Variants in NCAM1 observed in about 807,000 individuals in gnomAD.
NCAM1 encodes antigen recognized by monoclonal antibody 5.1H11.
NCAM1 carries 14 observed loss-of-function variants against 109.8 expected under a neutral mutation model. That is an observed-to-expected ratio of 0.13 (90% CI 0.08 to 0.20). NCAM1 has a LOEUF of 0.20. Ranked by LOEUF, NCAM1 falls within the 10% of genes least tolerant of loss-of-function variation. NCAM1 has a pLI of 1.00. For missense variants in NCAM1, 774 were observed against 1,109.9 expected, an observed-to-expected ratio of 0.70 and a Z score of 4.30; for synonymous variants, 418 against 442.9, an observed-to-expected ratio of 0.94 and a Z score of 0.70.
At chr11:113,064,615 G>A (rs1036705120) in intron 1 of NCAM1, among the ~76,000 whole-genome samples, 4 of 151,712 alleles carry the variant, frequency 2.6e-5, no homozygotes, top group Non-Finnish European at 5.9e-5. Context: ...TTTGCAGTTC[G>A]TATCATTACT....
intron 1 of NCAM1, among the ~76,000 whole-genome samples, chr11:113,016,673 T>C (rs1555075306): frequency 6.6e-6 from 1 of 152,088 alleles, no homozygotes; most frequent in Admixed American, 6.5e-5. Flanking sequence ...CTGGTGGCCC[T>C]ACACACTACC....
At chr11:113,070,568 G>T (rs188080168) in intron 1 of NCAM1, among the ~76,000 whole-genome samples, 1 of 152,136 alleles carries the variant, frequency 6.6e-6, no homozygotes, top group Non-Finnish European at 1.5e-5. Context: ...GGACGGGATC[G>T]CAGAGGAAGA....
chr11:113,104,000 G>T (rs1940007986), intron 1 of NCAM1, among the ~76,000 whole-genome samples: 1 of 152,026 alleles, frequency 6.6e-6, no homozygotes, highest in African/African-American at 2.4e-5. Context: ...GCAGTGGGCA[G>T]ATTCAGCTGG....
chr11:113,110,893 TA>T (rs1265727911), intron 1 of NCAM1, among the ~76,000 whole-genome samples: 2 of 152,176 alleles, frequency 1.3e-5, no homozygotes, highest in South Asian at 2.1e-4. Flanking sequence ...ATGGTAGTAC[TA>T]AGAATAGCCA....
intron 1 of NCAM1, among the ~76,000 whole-genome samples, chr11:113,155,284 G>A (rs782316076): frequency 3.3e-5 from 5 of 152,072 alleles, no homozygotes; most frequent in African/African-American, 4.8e-5. Flanking sequence ...TTGGGAGGCC[G>A]AGGCGGGTGG....
intron 17 of NCAM1, chr11:113,269,564 G>C (rs1367828464): frequency 6.5e-6 from 1 of 153,690 alleles, no homozygotes; most frequent in East Asian, 1.9e-4. Flanking sequence ...AGTCACCCAG[G>C]CTTCACTTGT....
intron 1 of NCAM1, among the ~76,000 whole-genome samples, chr11:112,976,397 G>A (rs1182087433): frequency 2.0e-5 from 3 of 151,740 alleles, no homozygotes; most frequent in Admixed American, 2.0e-4. Flanking sequence ...TAAATTTTTA[G>A]TAATTGAAAA....
intron 17 of NCAM1, 27 bp from the exon 18 acceptor site, chr11:113,270,161 C>T: frequency 6.2e-7 from 1 of 1,611,956 alleles, no homozygotes; most frequent in South Asian, 1.1e-5. Flanking sequence ...AGTCTGTTAA[C>T]CACCAGCCAT....
At chr11:113,239,591 C>T (rs1183583137) in intron 14 of NCAM1, among the ~76,000 whole-genome samples, 5 of 147,682 alleles carry the variant, frequency 3.4e-5, no homozygotes, top group East Asian at 2.2e-4. Context: ...CTGCAAGCTC[C>T]GCCTCCCGGG....
rs572068845 is a variant in NCAM1 at position 113,115,278 on chromosome 11, G to A, written c.53-87101G>A. Reference sequence around the variant, plus strand: ...AGCTTGGAAATAGGTACTGTGTCAAGGAAGCTTTATTATGATAATATTACT... The same window carrying A: ...AGCTTGGAAATAGGTACTGTGTCAAAGAAGCTTTATTATGATAATATTACT... On this transcript the variant is annotated intron_variant, in intron 1 of 19. Coordinates refer to ENST00000316851, the MANE Select transcript of NCAM1 (RefSeq NM_181351.5). Among the ~76,000 whole-genome samples, 8 of 152,236 alleles carry A rather than the reference G, an allele frequency of 5.3e-5. No homozygotes were observed. The South Asian group carries it at 1.5e-3, about 28-fold the overall frequency.
chr11:113,211,471 C>A (rs1448386642), intron 7 of NCAM1, among the ~76,000 whole-genome samples: 3 of 152,226 alleles, frequency 2.0e-5, no homozygotes, highest in African/African-American at 7.2e-5. Context: ...TAGTTATTAG[C>A]TAGATGCTCC....
intron 1 of NCAM1, among the ~76,000 whole-genome samples, chr11:113,163,038 T>C (rs1161223714): frequency 6.6e-6 from 1 of 152,184 alleles, no homozygotes; most frequent in African/African-American, 2.4e-5. Flanking sequence ...TAAGTATTTT[T>C]CAAGCTCTCC....
chr11:113,163,749 G>A (rs868980155), intron 1 of NCAM1, among the ~76,000 whole-genome samples: 2 of 152,254 alleles, frequency 1.3e-5, no homozygotes, highest in Non-Finnish European at 2.9e-5. Flanking sequence ...GGCTAAGATC[G>A]AAAGAAGAAA....
chr11:113,142,286 A>G (rs1276023551), intron 1 of NCAM1, among the ~76,000 whole-genome samples: 1 of 152,206 alleles, frequency 6.6e-6, no homozygotes, highest in Non-Finnish European at 1.5e-5. Flanking sequence ...TCACATGAGC[A>G]GGCTTTTTGA....
At chr11:112,998,507 A>G (rs1014845925) in intron 1 of NCAM1, among the ~76,000 whole-genome samples, 2 of 152,180 alleles carry the variant, frequency 1.3e-5, no homozygotes, top group Non-Finnish European at 2.9e-5. Context: ...GGAAAAAAAA[A>G]TCCTAGGTGT....
chr11:113,216,438 C>T (rs77044918), intron 8 of NCAM1, among the ~76,000 whole-genome samples: 14,150 of 152,204 alleles, frequency 0.093, 728 homozygotes, highest in East Asian at 0.25. Flanking sequence ...AGGCGTGAGC[C>T]ACCGCGCCCG....
chr11:113,207,430 C>T lies in NCAM1; in HGVS notation c.746+52C>T, dbSNP rs141963340. The T allele has an allele frequency of 7.3e-5, 105 of 1,436,304 alleles. No individual in the cohort carries two copies. In the African/African-American group the frequency reaches 1.3e-3, roughly 18 times the overall value. The allele number at this position is 1,436,304 out of a possible 1,614,324, so 89.0% of individuals were successfully genotyped here. Reference sequence around the variant, plus strand: ...CATGGACTAGAGGAGAATGGGGCATCACAAAGTCTGCTCCATGTTAGTGTC... The same window carrying T: ...CATGGACTAGAGGAGAATGGGGCATTACAAAGTCTGCTCCATGTTAGTGTC... On this transcript the variant is annotated intron_variant, in intron 6 of 19. Coordinates refer to ENST00000316851, the MANE Select transcript of NCAM1 (RefSeq NM_181351.5).
chr11:113,056,011 AT>A (rs1565409282), intron 1 of NCAM1, among the ~76,000 whole-genome samples: 59 of 117,184 alleles, frequency 5.0e-4, no homozygotes, highest in East Asian at 1.5e-3. Context: ...ATATATATAT[AT>A]ATATATATAT....
chr11:113,264,972 AC>A, intron 17 of NCAM1: 3 of 985,290 alleles, frequency 3.0e-6, no homozygotes, highest in Non-Finnish European at 3.6e-6. Context: ...GAGTGAGTGC[AC>A]CCCACCTTGC....
Sources: gnomAD v4.1 joint callset for allele counts (sites outside exome capture counted in the v4.1 genomes callset) on GRCh38, gnomAD v4.1.1 for gene constraint, MANE v1.5 for transcripts, NCBI Gene and HGNC (gene_info 2026-07-23, HGNC 2026-07-21) for gene names.